Variants in ADGRL3 observed in about 807,000 individuals in gnomAD.
ADGRL3 encodes calcium-independent alpha-latrotoxin receptor 3.
A neutral mutation model predicts 153.5 loss-of-function variants in ADGRL3; 62 were observed. The ratio of observed to expected loss-of-function variants is 0.40; its 90% CI spans 0.33 to 0.50. The LOEUF (loss-of-function observed/expected upper bound fraction) is 0.50, where lower values mean the gene tolerates loss of function less well. ADGRL3 is among the 20% of genes least tolerant of loss of function. The pLI is 0.47. For missense variants in ADGRL3, 1,641 were observed against 1,859.4 expected, an observed-to-expected ratio of 0.88 and a Z score of 2.16; for synonymous variants, 710 against 672.5, an observed-to-expected ratio of 1.06 and a Z score of -0.86.
chr4:61,518,150 T>G (rs975172976), intron 4 of ADGRL3, among the ~76,000 whole-genome samples: 1 of 152,244 alleles, frequency 6.6e-6, no homozygotes, highest in East Asian at 1.9e-4. Flanking sequence ...TAGTACTTAC[T>G]CTTTTCCCGA....
At chr4:61,743,793 C>A (rs141205065) in intron 8 of ADGRL3, among the ~76,000 whole-genome samples, 28 of 152,236 alleles carry the variant, frequency 1.8e-4, no homozygotes, top group Non-Finnish European at 3.4e-4. Context: ...ACGCAGAAAA[C>A]GGGTGATTTC....
intron 1 of ADGRL3, among the ~76,000 whole-genome samples, chr4:61,345,741 A>G (rs953084775): frequency 6.6e-6 from 1 of 152,210 alleles, no homozygotes; most frequent in African/African-American, 2.4e-5. Context: ...ATATTTTGAT[A>G]GTGACTTGAA....
intron 6 of ADGRL3, among the ~76,000 whole-genome samples, chr4:61,695,963 C>T (rs547239167): frequency 1.3e-5 from 2 of 152,254 alleles, no homozygotes; most frequent in Non-Finnish European, 1.5e-5. Context: ...TTCCTCACCT[C>T]TCTCAGCCTT....
intron 1 of ADGRL3, among the ~76,000 whole-genome samples, chr4:61,343,852 T>C (rs2095851366): frequency 6.6e-6 from 1 of 152,214 alleles, no homozygotes; most frequent in African/African-American, 2.4e-5. Context: ...TTGAGTTCAA[T>C]TAAACACACT....
intron 20 of ADGRL3, 96 bp downstream of exon 20, chr4:61,996,453 G>T: frequency 1.2e-6 from 1 of 840,906 alleles, no homozygotes; most frequent in South Asian, 1.6e-5. Context: ...AGGTTAATTT[G>T]GGGAAAGCAT....
chr4:61,344,872 C>T (rs200339031), intron 1 of ADGRL3, among the ~76,000 whole-genome samples: 12 of 151,684 alleles, frequency 7.9e-5, no homozygotes, highest in East Asian at 1.9e-4. Context: ...CTGCAACCTC[C>T]GCCTCCCAGG....
chr4:61,617,315 G>T (rs1051372109), intron 5 of ADGRL3, among the ~76,000 whole-genome samples: 10 of 152,056 alleles, frequency 6.6e-5, no homozygotes, highest in Non-Finnish European at 1.2e-4. Flanking sequence ...GTAGCCTTTA[G>T]AATTTTTGGT....
chr4:61,849,280 A>G (rs935098201), intron 9 of ADGRL3, among the ~76,000 whole-genome samples: 1 of 152,108 alleles, frequency 6.6e-6, no homozygotes, highest in South Asian at 2.1e-4. Flanking sequence ...AAAGTCACAA[A>G]GAAAGAGATC....
At chr4:61,421,012 T>C (rs921042589) in intron 2 of ADGRL3, among the ~76,000 whole-genome samples, 1 of 152,058 alleles carries the variant, frequency 6.6e-6, no homozygotes, top group African/African-American at 2.4e-5. Flanking sequence ...GTATTTTCTA[T>C]AAAACTGGCA....
chr4:61,253,289 T>C (rs529663600), intron 1 of ADGRL3, among the ~76,000 whole-genome samples: 6 of 152,348 alleles, frequency 3.9e-5, no homozygotes, highest in African/African-American at 1.4e-4. Context: ...AATATAAAGC[T>C]GACTATTCCA....
At chr4:61,307,982 A>G (rs72614721) in intron 1 of ADGRL3, among the ~76,000 whole-genome samples, 19,642 of 152,172 alleles carry the variant, frequency 0.13, 1,452 homozygotes, top group South Asian at 0.27. Context: ...AGCGTTTCCA[A>G]CTACATCCCC....
Position 61,997,192 on chromosome 4 carries a change from A to G in ADGRL3, c.3303+835A>G, listed in dbSNP as rs140089942. 2.5e-3 allele frequency among the ~76,000 whole-genome samples: 386 copies of G among 152,004 alleles called. 1 individual carries two copies. The Middle Eastern group carries it at 0.034, about 13-fold the overall frequency. On this transcript the variant is annotated intron_variant, in intron 20 of 26. Transcript: ENST00000683033. ...TACCCAAAATCAAACACATCAACAA[A>G]TACTCACAGTGGAGACTAGGCAGCA... is the stretch of plus-strand genomic sequence containing the variant.
intron 9 of ADGRL3, among the ~76,000 whole-genome samples, chr4:61,887,035 T>A (rs181804566): frequency 5.0e-3 from 763 of 151,998 alleles, no homozygotes; most frequent in African/African-American, 0.015. Context: ...TTATTTATTT[T>A]TTTATTTTTA....
chr4:61,305,844 G>A (rs2094761324), intron 1 of ADGRL3, among the ~76,000 whole-genome samples: 1 of 152,124 alleles, frequency 6.6e-6, no homozygotes, highest in Non-Finnish European at 1.5e-5. Flanking sequence ...GGCATTGTAA[G>A]CAAGTGGAGG....
At chr4:61,485,289 CAA>C (rs1374306652) in intron 2 of ADGRL3, among the ~76,000 whole-genome samples, 2 of 152,120 alleles carry the variant, frequency 1.3e-5, no homozygotes, top group Non-Finnish European at 2.9e-5. Flanking sequence ...TTGTGAATTG[CAA>C]AAGAGACCAC....
At position 61,624,926 on chromosome 4, in the gene ADGRL3, C is replaced by T. The variant is rs541256845; in HGVS notation, c.473+37486C>T. Among the ~76,000 whole-genome samples the T allele has an allele frequency of 3.0e-4, 46 of 152,076 alleles. 1 individual carries two copies. The South Asian group carries it at 9.3e-3, about 31-fold the overall frequency. ...ACTTATAAATTACTTTAAAATTACA[C>T]TATTGTAGTAGATATGCCTCATTAA... On this transcript the variant is annotated intron_variant, in intron 5 of 26. Coordinates refer to ENST00000683033, the MANE Select transcript of ADGRL3 (RefSeq NM_001387552.1).
chr4:61,740,922 C>T (rs576209928), intron 8 of ADGRL3, among the ~76,000 whole-genome samples: 1 of 152,224 alleles, frequency 6.6e-6, no homozygotes, highest in Non-Finnish European at 1.5e-5. Context: ...CAACAAAAAG[C>T]CTACACATAA....
In ADGRL3 at chr4:61,357,279, G is replaced by A. The variant is rs997131940; in HGVS notation, c.-239-25845G>A. On this transcript the variant is annotated intron_variant, in intron 1 of 26. Transcript: ENST00000683033. ...TAATTAAAATAATATTTAGGAATAC[G>A]AAAACTATTTTCTGAAAAGTTGAAT... 2.1e-4 allele frequency among the ~76,000 whole-genome samples: 32 copies of A among 151,970 alleles called. 1 individual carries two copies. The highest frequency in any genetic ancestry group is 7.0e-4 in the African/African-American group (29 of 41,498).
intron 1 of ADGRL3, among the ~76,000 whole-genome samples, chr4:61,379,883 C>A (rs1320774197): frequency 6.6e-6 from 1 of 151,728 alleles, no homozygotes; most frequent in Non-Finnish European, 1.5e-5. Flanking sequence ...TTATAAACAT[C>A]CCGGTAAGAA....
Sources: gnomAD v4.1 joint callset for allele counts (sites outside exome capture counted in the v4.1 genomes callset) on GRCh38, gnomAD v4.1.1 for gene constraint, MANE v1.5 for transcripts, NCBI Gene and HGNC (gene_info 2026-07-23, HGNC 2026-07-21) for gene names.